The following ZNF420 variants were observed in gnomAD, a reference collection of about 807,000 sequenced individuals.
ZNF420 encodes the protein ATM and p53-associated KZNF protein.
A neutral mutation model predicts 44.7 loss-of-function variants in ZNF420; 31 were observed. The ratio of observed to expected loss-of-function variants is 0.69; its 90% CI spans 0.52 to 0.94. The LOEUF is 0.94. Ranked by LOEUF, ZNF420 falls within the 40% of genes least tolerant of loss-of-function variation. The probability of loss-of-function intolerance (pLI) is 0.00; values close to 1 mark genes in which losing one functional copy is unlikely to be tolerated. For missense variants in ZNF420, 681 were observed against 827.9 expected, an observed-to-expected ratio of 0.82 and a Z score of 2.18; for synonymous variants, 245 against 267.4, an observed-to-expected ratio of 0.92 and a Z score of 0.82.
intron 4 of ZNF420, among the ~76,000 whole-genome samples, chr19:37,105,680 T>C (rs535522832): frequency 6.6e-6 from 1 of 152,318 alleles, no homozygotes; most frequent in African/African-American, 2.4e-5. Context: ...TGGAATGTTC[T>C]TCCATTTGTT....
chr19:37,022,244 CTT>C (rs947795383), intron 1 of ZNF420, among the ~76,000 whole-genome samples: 9 of 151,140 alleles, frequency 6.0e-5, no homozygotes, highest in East Asian at 1.9e-4. Context: ...ATTTTAAAAA[CTT>C]TTCTATATAT....
upstream of ZNF420, among the ~76,000 whole-genome samples, chr19:37,075,598 TG>T (rs1298431791): frequency 4.0e-5 from 6 of 151,820 alleles, no homozygotes; most frequent in African/African-American, 1.5e-4. Flanking sequence ...AAAAATTAGC[TG>T]GGCGTAGTGG....
chr19:37,023,080 G>A (rs2074661330), intron 1 of ZNF420, among the ~76,000 whole-genome samples: 2 of 151,680 alleles, frequency 1.3e-5, no homozygotes, highest in Admixed American at 1.3e-4. Context: ...AGAGGTTGCA[G>A]TGAGCCGAGA....
chr19:37,129,885 G>T lies in ZNF420; in HGVS notation c.*827G>T. 1 of 1,097,604 alleles carries T rather than the reference G, an allele frequency of 9.1e-7. No homozygotes were observed. Among genetic ancestry groups the T allele is most frequent in the Non-Finnish European group, 1.2e-6 (1 of 816,114 alleles). 68.0% of individuals were successfully genotyped at this position (1,097,604 alleles called of 1,614,324 possible). ...AAATCTAGGAATTTTTTAAAAACTT[G>T]AATGTATTGCTTTTGAAGTAAACAA... On this transcript the variant is annotated 3_prime_UTR_variant, in exon 5 of 5. Coordinates refer to ENST00000337995, the MANE Select transcript of ZNF420 (RefSeq NM_144689.5).
chr19:37,093,892 G>C (rs550271178), intron 4 of ZNF420, among the ~76,000 whole-genome samples: 1 of 152,240 alleles, frequency 6.6e-6, no homozygotes, highest in Admixed American at 6.5e-5. Flanking sequence ...CATTTCTCTT[G>C]GGGGTGAAAA....
chr19:37,085,900 G>A (rs571376595), intron 2 of ZNF420, among the ~76,000 whole-genome samples: 1 of 150,938 alleles, frequency 6.6e-6, no homozygotes, highest in African/African-American at 2.4e-5. Context: ...CAAGTAGCTA[G>A]GACTACAGGT....
At chr19:37,088,042 C>T (rs1968929904) in intron 2 of ZNF420, among the ~76,000 whole-genome samples, 1 of 152,158 alleles carries the variant, frequency 6.6e-6, no homozygotes, top group Admixed American at 6.5e-5. Flanking sequence ...CTTTGCGGGC[C>T]ACATGGTCTC....
intron 1 of ZNF420, among the ~76,000 whole-genome samples, chr19:37,040,465 T>G (rs116549194): frequency 0.013 from 1,991 of 152,306 alleles, 51 homozygotes; most frequent in African/African-American, 0.045. Flanking sequence ...CTTTTTTTAA[T>G]ATTATAGAAT....
chr19:37,015,876 C>T (rs903361449), intron 1 of ZNF420, among the ~76,000 whole-genome samples: 5 of 152,206 alleles, frequency 3.3e-5, no homozygotes, highest in Admixed American at 6.5e-5. Context: ...ATTGATCCTG[C>T]GCGGGCTCTG....
intron 4 of ZNF420, among the ~76,000 whole-genome samples, chr19:37,103,502 G>A (rs1008882542): frequency 2.6e-5 from 4 of 152,132 alleles, no homozygotes; most frequent in Admixed American, 6.5e-5. Flanking sequence ...TAATGGTCAT[G>A]ACTATTCATC....
At chr19:37,111,200 G>A (rs1331781909) in intron 4 of ZNF420, among the ~76,000 whole-genome samples, 1 of 139,424 alleles carries the variant, frequency 7.2e-6, no homozygotes, top group Non-Finnish European at 1.5e-5. Flanking sequence ...GTTGGAGTGG[G>A]GCTAAGGGAT....
At chr19:37,056,971 C>A (rs1967766245) in intron 1 of ZNF420, among the ~76,000 whole-genome samples, 1 of 152,276 alleles carries the variant, frequency 6.6e-6, no homozygotes, top group African/African-American at 2.4e-5. Flanking sequence ...TGACTTCCAG[C>A]AGCGGAGCGC....
chr19:37,056,370 C>T (rs1967754363), intron 1 of ZNF420, among the ~76,000 whole-genome samples: 1 of 152,182 alleles, frequency 6.6e-6, no homozygotes, highest in Non-Finnish European at 1.5e-5. Context: ...TGCCTGGACA[C>T]CTTTCTTCAT....
intron 1 of ZNF420, among the ~76,000 whole-genome samples, chr19:37,059,476 G>C (rs889531194): frequency 5.3e-5 from 8 of 152,226 alleles, no homozygotes; most frequent in Non-Finnish European, 1.2e-4. Context: ...TCGGGGCTCC[G>C]AGGCTCCGGC....
At chr19:37,120,451 T>C (rs1428619691) in intron 4 of ZNF420, among the ~76,000 whole-genome samples, 1 of 152,054 alleles carries the variant, frequency 6.6e-6, no homozygotes, top group Non-Finnish European at 1.5e-5. Context: ...TCTCAATAAA[T>C]TAGGTATTGA....
At chr19:37,049,661 T>A (rs1967603770) in intron 1 of ZNF420, among the ~76,000 whole-genome samples, 1 of 152,220 alleles carries the variant, frequency 6.6e-6, no homozygotes, top group Non-Finnish European at 1.5e-5. Context: ...TCCCATTCTG[T>A]AGGTTGCCTG....
At chr19:37,015,637 G>T (rs1011561219) in intron 1 of ZNF420, among the ~76,000 whole-genome samples, 1 of 152,214 alleles carries the variant, frequency 6.6e-6, no homozygotes, top group Non-Finnish European at 1.5e-5. Flanking sequence ...ATGAGGTGGG[G>T]AGGAGGTCCC....
At position 37,099,086 on chromosome 19, in the gene ZNF420, T is replaced by G. The variant is rs540264672; in HGVS notation, c.136+7965T>G. 1.1e-3 allele frequency among the ~76,000 whole-genome samples: 161 copies of G among 152,352 alleles called. 1 individual carries two copies. Among genetic ancestry groups the G allele is most frequent in the African/African-American group, 3.7e-3 (154 of 41,580 alleles). On this transcript the variant is annotated intron_variant, in intron 4 of 4. Coordinates refer to ENST00000337995, the MANE Select transcript of ZNF420 (RefSeq NM_144689.5). ...TTTTGAAAATCCATTTATCTTTTGA[T>G]GGACACTGAGTTCGAGTCCATGTTA... is the stretch of plus-strand genomic sequence containing the variant.
At chr19:37,087,541 A>G (rs1210871047) in intron 2 of ZNF420, among the ~76,000 whole-genome samples, 1 of 152,226 alleles carries the variant, frequency 6.6e-6, no homozygotes, top group South Asian at 2.1e-4. Flanking sequence ...ACCTGTATCA[A>G]TGATTCTCTG....
Sources: gnomAD v4.1 joint callset for allele counts (sites outside exome capture counted in the v4.1 genomes callset) on GRCh38, gnomAD v4.1.1 for gene constraint, MANE v1.5 for transcripts, NCBI Gene and HGNC (gene_info 2026-07-23, HGNC 2026-07-21) for gene names.